NCOA3: variants seen among roughly 807,000 people sequenced by gnomAD.
NCOA3 encodes the protein nuclear receptor coactivator 3, also known as CBP-interacting protein.
A neutral mutation model predicts 158.8 loss-of-function variants in NCOA3; 51 were observed. That is an observed-to-expected ratio of 0.32 (90% CI 0.26 to 0.41). NCOA3 has a LOEUF of 0.41. NCOA3 is among the 10% of genes least tolerant of loss of function. The probability of loss-of-function intolerance (pLI) is 1.00; values close to 1 mark genes in which losing one functional copy is unlikely to be tolerated. For synonymous variants in NCOA3, 537 were observed against 592.4 expected (o/e 0.91, Z 1.36); for missense variants, 1,510 against 1,746.6 (o/e 0.86, Z 2.41).
At chr20:47,626,893 C>G in intron 5 of NCOA3, 109 bp from the exon 6 acceptor site, 1 of 994,844 alleles carries the variant, frequency 1.0e-6, no homozygotes, top group Non-Finnish European at 1.5e-6. Flanking sequence ...CCTTGAAGGT[C>G]TTGTTTCCAA....
intron 3 of NCOA3, among the ~76,000 whole-genome samples, 159 bp downstream of exon 3, chr20:47,622,489 G>A (rs539095536): frequency 6.6e-6 from 1 of 152,258 alleles, no homozygotes; most frequent in South Asian, 2.1e-4. Flanking sequence ...TCTTTTTGAT[G>A]TAATAGAAGT....
intron 2 of NCOA3, among the ~76,000 whole-genome samples, chr20:47,587,583 A>G (rs572185317): frequency 6.6e-6 from 1 of 152,318 alleles, no homozygotes; most frequent in South Asian, 2.1e-4. Flanking sequence ...CCCATGTTCA[A>G]TTTCTTGTAT....
intron 2 of NCOA3, among the ~76,000 whole-genome samples, chr20:47,602,948 T>C (rs1450833787): frequency 1.3e-5 from 2 of 152,182 alleles, no homozygotes; most frequent in Non-Finnish European, 2.9e-5. Context: ...CCAGTGTCTT[T>C]AGATTAAAAA....
chr20:47,517,514 G>A (rs556969347), intron 1 of NCOA3, among the ~76,000 whole-genome samples: 1 of 144,190 alleles, frequency 6.9e-6, no homozygotes, highest in African/African-American at 2.6e-5. Flanking sequence ...GCAGTGGTAC[G>A]ATCTTGGCTC....
At chr20:47,548,437 G>A (rs1266496174) in intron 1 of NCOA3, among the ~76,000 whole-genome samples, 4 of 151,870 alleles carry the variant, frequency 2.6e-5, no homozygotes, top group Non-Finnish European at 5.9e-5. Context: ...TCAGCTACTC[G>A]GGAGGCTGAG....
At chr20:47,585,730 C>T (rs1008795174) in intron 2 of NCOA3, among the ~76,000 whole-genome samples, 25 of 152,256 alleles carry the variant, frequency 1.6e-4, no homozygotes, top group Non-Finnish European at 4.4e-5. Context: ...ATGTTGTGCT[C>T]TAAGTTTTGT....
At chr20:47,633,776 G>A in intron 9 of NCOA3, 140 bp downstream of exon 9, 1 of 958,602 alleles carries the variant, frequency 1.0e-6, no homozygotes, top group Non-Finnish European at 1.5e-6. Flanking sequence ...GACTGCAGGT[G>A]CACACCACCA....
Position 47,583,199 on chromosome 20 carries a change from G to T in NCOA3, c.-82G>T, listed in dbSNP as rs1450158226. On this transcript the variant is annotated 5_prime_UTR_variant, in exon 2 of 23. Coordinates refer to ENST00000371998, the MANE Select transcript of NCOA3 (RefSeq NM_181659.3). ...TGTCCTCAGGATCAAAATACTTGCTGGATGGTGGACTCAGAGACCAATAAA... is the reference window on the plus strand; with the variant it reads ...TGTCCTCAGGATCAAAATACTTGCTTGATGGTGGACTCAGAGACCAATAAA... 2.5e-6 allele frequency: 1 copy of T among 398,494 alleles called. No individual in the cohort carries two copies. Among genetic ancestry groups the T allele is most frequent in the Non-Finnish European group, 4.4e-6 (1 of 226,060 alleles). The allele number at this position is 398,494 out of a possible 1,614,324, so 24.7% of individuals were successfully genotyped here.
At chr20:47,544,512 G>T (rs1418801056) in intron 1 of NCOA3, among the ~76,000 whole-genome samples, 4 of 151,470 alleles carry the variant, frequency 2.6e-5, no homozygotes, top group South Asian at 2.1e-4. Context: ...TATGAAGTTT[G>T]TATTTTGTTT....
At position 47,639,994 on chromosome 20, in the gene NCOA3, G is replaced by T; in HGVS notation, c.3023G>T (p.Gly1008Val). ...YGQAAASNQL[G>V]SWPDGMLSME... Reference sequence around the variant, plus strand: ...CAAGCAGCAGCATCTAACCAACTGGGTTCCTGGCCCGATGGCATGTTGTCC... The same window carrying T: ...CAAGCAGCAGCATCTAACCAACTGGTTTCCTGGCCCGATGGCATGTTGTCC... The change falls in exon 16 of 23, where the codon GGT becomes GTT. Residue 1008 changes from glycine to valine, a missense_variant. Physicochemically the swap from Gly to Val is moderately radical, Grantham distance 109. Transcript: ENST00000371998. 1.2e-6 allele frequency: 2 copies of T among 1,614,214 alleles called. No homozygotes were observed. Among genetic ancestry groups the T allele is most frequent in the Non-Finnish European group, 8.5e-7 (1 of 1,180,044 alleles).
At chr20:47,645,659 A>G (rs2086675045) in intron 17 of NCOA3, among the ~76,000 whole-genome samples, 1 of 152,126 alleles carries the variant, frequency 6.6e-6, no homozygotes, top group Admixed American at 6.5e-5. Flanking sequence ...GAATGCAGGT[A>G]AGCATGCATG....
chr20:47,624,065 C>G lies in NCOA3; in HGVS notation c.238C>G (p.Arg80Gly). The G allele has an allele frequency of 6.2e-7, 1 of 1,605,070 alleles. No individual in the cohort carries two copies. The highest frequency in any genetic ancestry group is 8.5e-7 in the Non-Finnish European group (1 of 1,176,826). Reference protein sequence around the residue: ...AILKETVRQIRQIKEQGKTIS... With the variant: ...AILKETVRQIGQIKEQGKTIS... The stretch of plus-strand genomic sequence containing the variant: ...TTTAAAGGAAACAGTAAGACAGATA[C>G]GTCAAATAAAAGAGCAAGGTAATAA... The change falls in exon 4 of 23, where the codon CGT (arginine) becomes GGT (glycine). Residue 80 changes from arginine to glycine, a missense_variant. Around this residue, in one of 4 missense-constraint regions of NCOA3, gnomAD observed 309 missense variants for 427.1 expected, o/e 0.72. Coordinates refer to ENST00000371998, the MANE Select transcript of NCOA3 (RefSeq NM_181659.3).
chr20:47,511,887 G>A (rs2084147723), intron 1 of NCOA3, among the ~76,000 whole-genome samples: 1 of 151,942 alleles, frequency 6.6e-6, no homozygotes, highest in Non-Finnish European at 1.5e-5. Flanking sequence ...GTGAGGAGGG[G>A]GATGATGAGA....
chr20:47,517,061 T>C (rs1440992759), intron 1 of NCOA3, among the ~76,000 whole-genome samples: 1 of 151,604 alleles, frequency 6.6e-6, no homozygotes, highest in Non-Finnish European at 1.5e-5. Flanking sequence ...CTACTAAAAA[T>C]ACAAAAATTA....
chr20:47,577,381 A>G (rs887703106), intron 1 of NCOA3, among the ~76,000 whole-genome samples: 1 of 152,206 alleles, frequency 6.6e-6, no homozygotes, highest in Non-Finnish European at 1.5e-5. Flanking sequence ...TTTGGCTGAG[A>G]TAAATGGTTT....
At chr20:47,505,009 T>G (rs1249956065) in intron 1 of NCOA3, among the ~76,000 whole-genome samples, 3 of 100,306 alleles carry the variant, frequency 3.0e-5, no homozygotes, top group African/African-American at 6.3e-5. Context: ...TTTGGTTTTT[T>G]TTTTTTTTTT....
At position 47,635,243 on chromosome 20, in the gene NCOA3, T is replaced by G. The variant is rs540413042; in HGVS notation, c.1113-79T>G. 292 of 1,397,830 alleles carry G rather than the reference T, an allele frequency of 2.1e-4. 1 individual carries two copies. Among genetic ancestry groups the G allele is most frequent in the East Asian group, 7.2e-4 (30 of 41,536 alleles). The allele number at this position is 1,397,830 out of a possible 1,614,324, so 86.6% of individuals were successfully genotyped here. On this transcript the variant is annotated intron_variant, in intron 10 of 22. Coordinates refer to ENST00000371998, the MANE Select transcript of NCOA3 (RefSeq NM_181659.3). ...TGTAGCTGGCTGGTTTTTTAAAATTTTATTTTATTTTAAATCTGATTAAAA... is the reference window on the plus strand; with the variant it reads ...TGTAGCTGGCTGGTTTTTTAAAATTGTATTTTATTTTAAATCTGATTAAAA...
chr20:47,580,181 G>A (rs2085428878), intron 1 of NCOA3, among the ~76,000 whole-genome samples: 1 of 152,016 alleles, frequency 6.6e-6, no homozygotes, highest in Admixed American at 6.6e-5. Context: ...TAACACTGGA[G>A]TATTAATCTA....
Position 47,637,568 on chromosome 20 carries a change from T to C in NCOA3, c.2377-80T>C, listed in dbSNP as rs2086535822. On this transcript the variant is annotated intron_variant, in intron 12 of 22. Transcript: ENST00000371998. ...GTATTTTACTTGCTTCTATTTCATG[T>C]ATCATTTTTTCTGATGGGTATGTTT... 6.1e-6 allele frequency: 7 copies of C among 1,154,252 alleles called. No homozygotes were observed. The East Asian group carries it at 1.9e-4, about 32-fold the overall frequency. 71.5% of individuals were successfully genotyped at this position (1,154,252 alleles called of 1,614,324 possible).
Sources: allele counts gnomAD v4.1 joint callset (sites outside exome capture counted in the v4.1 genomes callset), GRCh38; gene constraint gnomAD v4.1.1; regional missense constraint gnomAD v4.1.1; transcripts MANE v1.5; gene names NCBI Gene and HGNC (gene_info 2026-07-23, HGNC 2026-07-21).